Variants in FARS2 observed in about 807,000 individuals in gnomAD.
The protein encoded by FARS2 is phenylalanyl-tRNA synthetase 2, mitochondrial, also known as phenylalanine--tRNA ligase, mitochondrial.
A neutral mutation model predicts 46.4 loss-of-function variants in FARS2; 40 were observed. That is an observed-to-expected ratio of 0.86 (90% CI 0.67 to 1.12). FARS2 has a LOEUF of 1.12. Ranked by LOEUF, FARS2 falls within the 50% of genes most tolerant of loss-of-function variation. The probability of loss-of-function intolerance (pLI) is 0.00; values close to 1 mark genes in which losing one functional copy is unlikely to be tolerated. For synonymous variants in FARS2, 234 were observed against 214.9 expected (o/e 1.09, Z -0.78); for missense variants, 513 against 567.9 (o/e 0.90, Z 0.98).
chr6:5,394,750 T>G lies in FARS2; in HGVS notation c.613-9792T>G, dbSNP rs116828031. 5.9e-3 allele frequency among the ~76,000 whole-genome samples: 898 copies of G among 152,264 alleles called. 11 individuals carry two copies. Among genetic ancestry groups the G allele is most frequent in the Middle Eastern group, 0.027 (8 of 294 alleles). The stretch of plus-strand genomic sequence containing the variant: ...AAGTGTCACTTTGAAACATCTGTGT[T>G]GTTAGTAAGGGACAGTGTTTTTTTT... On this transcript the variant is annotated intron_variant, in intron 2 of 6. Coordinates refer to ENST00000274680, the MANE Select transcript of FARS2 (RefSeq NM_006567.5).
In FARS2 at chr6:5,613,099, T is replaced by C. The variant is rs1582584920; in HGVS notation, c.1066-70T>C. On this transcript the variant is annotated intron_variant, in intron 5 of 6. Coordinates refer to ENST00000274680, the MANE Select transcript of FARS2 (RefSeq NM_006567.5). ...TTTCCTAATTAGTCAAGTGCAACTTTTTATGAAAAATTTAAATATTCTCAT... is the reference window on the plus strand; with the variant it reads ...TTTCCTAATTAGTCAAGTGCAACTTCTTATGAAAAATTTAAATATTCTCAT... The C allele has an allele frequency of 4.2e-6, 6 of 1,412,904 alleles. No individual in the cohort carries two copies. In the East Asian group the frequency reaches 9.4e-5, roughly 22 times the overall value. The allele number at this position is 1,412,904 out of a possible 1,614,324, so 87.5% of individuals were successfully genotyped here.
chr6:5,549,273 C>T (rs991542024), intron 5 of FARS2, among the ~76,000 whole-genome samples: 2 of 151,762 alleles, frequency 1.3e-5, no homozygotes, highest in African/African-American at 4.8e-5. Flanking sequence ...TGTTGGTTTG[C>T]TGCACCCATT....
chr6:5,267,751 CAAAAAA>C (rs71540859), intron 1 of FARS2, among the ~76,000 whole-genome samples: 1 of 109,334 alleles, frequency 9.1e-6, no homozygotes, highest in African/African-American at 3.0e-5. Flanking sequence ...GAGACTGTCT[CAAAAAA>C]AAAAAAAAAA....
chr6:5,628,484 A>G (rs756642298), intron 6 of FARS2, among the ~76,000 whole-genome samples: 1 of 152,206 alleles, frequency 6.6e-6, no homozygotes, highest in Non-Finnish European at 1.5e-5. Context: ...GGGAGCCTCC[A>G]CGTTGGCAGA....
chr6:5,405,089 G>A (rs551434219), intron 3 of FARS2, among the ~76,000 whole-genome samples: 140 of 152,226 alleles, frequency 9.2e-4, no homozygotes, highest in Admixed American at 1.3e-3. Flanking sequence ...GAGCCACCGC[G>A]CCAGGCCTGA....
At chr6:5,670,365 A>G (rs1778390010) in intron 6 of FARS2, among the ~76,000 whole-genome samples, 1 of 152,166 alleles carries the variant, frequency 6.6e-6, no homozygotes, top group Non-Finnish European at 1.5e-5. Context: ...CTTACTAAAC[A>G]TTTTTACTTA....
chr6:5,572,774 A>C (rs1287085621), intron 5 of FARS2, among the ~76,000 whole-genome samples: 2 of 151,888 alleles, frequency 1.3e-5, no homozygotes. Context: ...TGGAATCCAG[A>C]AATCTGCTTT....
chr6:5,570,118 G>A (rs1158521789), intron 5 of FARS2, among the ~76,000 whole-genome samples: 1 of 152,140 alleles, frequency 6.6e-6, no homozygotes, highest in Non-Finnish European at 1.5e-5. Context: ...AGCTTTTGGA[G>A]GTCTGTTCTC....
At chr6:5,712,438 A>G (rs1759230467) in intron 6 of FARS2, among the ~76,000 whole-genome samples, 1 of 152,144 alleles carries the variant, frequency 6.6e-6, no homozygotes, top group Non-Finnish European at 1.5e-5. Context: ...GGGAGTGGGT[A>G]GGTCTGGGTA....
chr6:5,347,783 C>T (rs752955171), intron 1 of FARS2, among the ~76,000 whole-genome samples: 21 of 152,280 alleles, frequency 1.4e-4, no homozygotes, highest in South Asian at 4.1e-4. Flanking sequence ...CAGAGTTCTG[C>T]GTGTTCCACA....
At chr6:5,499,539 C>T (rs1450147494) in intron 4 of FARS2, among the ~76,000 whole-genome samples, 4 of 152,136 alleles carry the variant, frequency 2.6e-5, no homozygotes, top group Non-Finnish European at 5.9e-5. Flanking sequence ...CTCTCTGGGC[C>T]CTAACATGCT....
intron 5 of FARS2, among the ~76,000 whole-genome samples, chr6:5,546,396 G>T (rs979955600): frequency 3.3e-5 from 5 of 151,016 alleles, no homozygotes; most frequent in Admixed American, 3.3e-4. Context: ...GATTACAGGC[G>T]CCCACCACTA....
In FARS2 at chr6:5,729,722, T is replaced by C. The variant is rs376336980; in HGVS notation, c.1218-41569T>C. Among the ~76,000 whole-genome samples the C allele has an allele frequency of 8.5e-5, 13 of 152,330 alleles. No homozygotes were observed. In the East Asian group the frequency reaches 1.4e-3, roughly 16 times the overall value. On this transcript the variant is annotated intron_variant, in intron 6 of 6. Transcript: ENST00000274680. ...TGCCCTCATTTTTTTAGGCACAGGC[T>C]TCTTTCTCTGCTTTGTTTTTGTTTT...
chr6:5,516,316 G>T (rs551992704), intron 4 of FARS2, among the ~76,000 whole-genome samples: 1 of 152,336 alleles, frequency 6.6e-6, no homozygotes, highest in African/African-American at 2.4e-5. Context: ...AGGAATATTC[G>T]TGTAACAGTA....
chr6:5,757,050 A>C (rs1468716315), intron 6 of FARS2, among the ~76,000 whole-genome samples: 1 of 152,200 alleles, frequency 6.6e-6, no homozygotes, highest in Non-Finnish European at 1.5e-5. Flanking sequence ...TTTGCCTTTG[A>C]AATTAACCCA....
At chr6:5,335,660 C>G (rs919607025) in intron 1 of FARS2, among the ~76,000 whole-genome samples, 1 of 152,056 alleles carries the variant, frequency 6.6e-6, no homozygotes. Flanking sequence ...TTGGTGAAAT[C>G]AAGTTTTATT....
rs1407188651 is a variant in FARS2 at position 5,343,121 on chromosome 6, GTAA to G, written c.-21-25424_-21-25422del. ...TATCTCCTTACAGTTAATAATGGTA[GTAA>G]TAATTTATTTTACCGATTAGAGATG... On this transcript the variant is annotated intron_variant, in intron 1 of 6. Coordinates refer to ENST00000274680, the MANE Select transcript of FARS2 (RefSeq NM_006567.5). The surrounding 1 kb of genome is among the most constrained non-coding windows in gnomAD (Gnocchi z 4.5). 2.0e-5 allele frequency among the ~76,000 whole-genome samples: 3 copies of G among 152,294 alleles called. No individual in the cohort carries two copies. The highest frequency in any genetic ancestry group is 7.2e-5 in the African/African-American group (3 of 41,552).
chr6:5,297,117 A>G (rs1017513552), intron 1 of FARS2, among the ~76,000 whole-genome samples: 1 of 152,198 alleles, frequency 6.6e-6, no homozygotes, highest in African/African-American at 2.4e-5. Flanking sequence ...CAGCGGAGGA[A>G]GGGTAGCACA....
intron 4 of FARS2, chr6:5,466,741 G>A (rs1458732841): frequency 4.1e-6 from 4 of 980,304 alleles, no homozygotes; most frequent in Non-Finnish European, 4.8e-6. Context: ...AAGGCTGTGT[G>A]TGGTGCCTGG....
Sources: gnomAD v4.1 joint callset for allele counts (sites outside exome capture counted in the v4.1 genomes callset) on GRCh38, gnomAD v4.1.1 for gene constraint, Gnocchi (gnomAD v3.1) non-coding constraint, MANE v1.5 for transcripts, NCBI Gene and HGNC (gene_info 2026-07-23, HGNC 2026-07-21) for gene names.